The following MTTP variants were observed in gnomAD, a reference collection of about 807,000 sequenced individuals.
MTTP encodes microsomal triglyceride transfer protein.
A neutral mutation model predicts 90.6 loss-of-function variants in MTTP; 49 were observed. The ratio of observed to expected loss-of-function variants is 0.54; its 90% CI spans 0.43 to 0.69. The LOEUF (loss-of-function observed/expected upper bound fraction) is 0.69, where lower values mean the gene tolerates loss of function less well. Among genes scored for constraint, MTTP ranks in the 30% least tolerant of loss-of-function variants. The pLI is 0.00. For synonymous variants in MTTP, 347 were observed against 384.2 expected (o/e 0.90, Z 1.13); for missense variants, 945 against 1,067.5 (o/e 0.89, Z 1.60).
chr4:99,579,677 A>G (rs1553926024), intron 1 of MTTP, among the ~76,000 whole-genome samples: 1 of 152,186 alleles, frequency 6.6e-6, no homozygotes, highest in African/African-American at 2.4e-5. Flanking sequence ...ATTTAAATGT[A>G]CCTTCCAATT....
chr4:99,564,399 A>C (rs1368185759), intron 1 of MTTP: 1 of 665,990 alleles, frequency 1.5e-6, no homozygotes, highest in Non-Finnish European at 2.4e-6. Flanking sequence ...GATTTTACAT[A>C]ACTCAAGTGG....
intron 6 of MTTP, among the ~76,000 whole-genome samples, chr4:99,594,150 A>C (rs954174270): frequency 6.6e-6 from 1 of 152,210 alleles, no homozygotes; most frequent in African/African-American, 2.4e-5. Flanking sequence ...ATGTACTGAT[A>C]GTGTGCCAGA....
intron 16 of MTTP, among the ~76,000 whole-genome samples, chr4:99,619,321 C>T (rs929692403): frequency 2.0e-5 from 3 of 152,096 alleles, no homozygotes; most frequent in African/African-American, 7.2e-5. Context: ...AATTTTCCTG[C>T]TTTTAAAGAC....
chr4:99,574,808 G>A, upstream of MTTP: 1 of 1,611,384 alleles, frequency 6.2e-7, no homozygotes, highest in South Asian at 1.1e-5. Flanking sequence ...GATTGTTGCA[G>A]GTTCTGAAGA....
At chr4:99,585,832 C>T (rs1725245672) in intron 3 of MTTP, among the ~76,000 whole-genome samples, 1 of 152,064 alleles carries the variant, frequency 6.6e-6, no homozygotes. Flanking sequence ...ATCATTGTAT[C>T]TTTCAAGTAT....
Position 99,622,903 on chromosome 4 carries a change from G to C in MTTP, c.*55G>C, listed in dbSNP as rs192882987. 31 of 1,545,590 alleles carry C rather than the reference G, an allele frequency of 2.0e-5. 1 individual carries two copies. The East Asian group carries it at 5.8e-4, about 29-fold the overall frequency. ...GTCTCCCCGAAAGGGACACAATGTG[G>C]CATGACTAAGTACTTGCTCTCTGAG... On this transcript the variant is annotated 3_prime_UTR_variant, in exon 18 of 18. Transcript: ENST00000265517.
At chr4:99,621,397 A>G (rs1726228566) in intron 17 of MTTP, among the ~76,000 whole-genome samples, 166 bp downstream of exon 17, 1 of 151,340 alleles carries the variant, frequency 6.6e-6, no homozygotes, top group African/African-American at 2.4e-5. Flanking sequence ...GGCCAAAAAA[A>G]GTCAGTTTCT....
At chr4:99,584,358 A>AT (rs984477689) in intron 3 of MTTP, among the ~76,000 whole-genome samples, 107 of 152,264 alleles carry the variant, frequency 7.0e-4, no homozygotes, top group African/African-American at 2.3e-3. Context: ...CGTCTCTGAA[A>AT]TTTCACTTTC....
intron 8 of MTTP, among the ~76,000 whole-genome samples, chr4:99,598,874 G>A (rs1451442503): frequency 1.3e-5 from 2 of 151,950 alleles, no homozygotes; most frequent in African/African-American, 4.8e-5. Flanking sequence ...TGTTGGTCAG[G>A]CTGGTCTCAA....
At chr4:99,596,144 A>G (rs1283613435) in intron 7 of MTTP, among the ~76,000 whole-genome samples, 1 of 152,170 alleles carries the variant, frequency 6.6e-6, no homozygotes, top group Admixed American at 6.5e-5. Context: ...TTTCACTTGG[A>G]ATATCTTCTT....
chr4:99,617,320 A>G (rs563105163), intron 15 of MTTP, among the ~76,000 whole-genome samples: 5 of 152,308 alleles, frequency 3.3e-5, no homozygotes, highest in South Asian at 2.1e-4. Context: ...GCTTCCATCA[A>G]AGAGTGTCCT....
At chr4:99,617,079 T>A (rs1726115379) in intron 15 of MTTP, among the ~76,000 whole-genome samples, 1 of 152,176 alleles carries the variant, frequency 6.6e-6, no homozygotes, top group South Asian at 2.1e-4. Flanking sequence ...ATGTTTGGAG[T>A]ACACATACAG....
chr4:99,574,642 A>G (rs932896473), upstream of MTTP: 1 of 652,732 alleles, frequency 1.5e-6, no homozygotes, highest in African/African-American at 1.8e-5. Context: ...AAAAGTGAAA[A>G]CATTTAAAGT....
chr4:99,621,068 G>C lies in MTTP; in HGVS notation c.2350G>C (p.Val784Leu). The change falls in exon 17 of 18, where the codon GTG becomes CTG. Residue 784 changes from valine to leucine, a missense_variant. Val to Leu is a conservative substitution (Grantham distance 32, BLOSUM62 1). Coordinates refer to ENST00000265517, the MANE Select transcript of MTTP (RefSeq NM_001386140.1). ...SKTRVKNRVTVVITTDITVDS... is the reference protein window; with the variant it reads ...SKTRVKNRVTLVITTDITVDS... ...TTTTTCTCAAATGTTTAGGGTGACT[G>C]TGGTAATAACCACTGACATCACAGT... The C allele has an allele frequency of 1.2e-6, 2 of 1,613,980 alleles. No individual in the cohort carries two copies. Among genetic ancestry groups the C allele is most frequent in the Non-Finnish European group, 8.5e-7 (1 of 1,179,930 alleles).
At chr4:99,583,778 A>C (rs964598076) in intron 3 of MTTP, 3 of 573,160 alleles carry the variant, frequency 5.2e-6, no homozygotes, top group Middle Eastern at 9.2e-4. Flanking sequence ...TATTGATGAA[A>C]GGCATTATTA....
chr4:99,589,181 C>A (rs115524847), intron 3 of MTTP, among the ~76,000 whole-genome samples: 6,325 of 147,946 alleles, frequency 0.043, 148 homozygotes, highest in Non-Finnish European at 0.056. Context: ...CTTGCAATAG[C>A]CCATAAAGGC....
At position 99,581,917 on chromosome 4, in the gene MTTP, G is replaced by T. The variant is rs762413666; in HGVS notation, c.74G>T (p.Gly25Val). ...TATCTTTATGCAGGTCACACAACTG[G>T]TCTCTCATTAAATAATGACCGGCTG... ...YSASVKGHTT[G>V]LSLNNDRLYK... The change falls in exon 2 of 18, where the codon GGT (glycine) becomes GTT (valine). Residue 25 changes from glycine (G) to valine (V), a missense_variant. Gly to Val is a moderately radical substitution (Grantham distance 109). Transcript: ENST00000265517. 1 of 1,613,946 alleles carries T rather than the reference G, an allele frequency of 6.2e-7. No homozygotes were observed. Among genetic ancestry groups the T allele is most frequent in the Non-Finnish European group, 8.5e-7 (1 of 1,179,964 alleles).
chr4:99,608,350 C>T (rs548371987), intron 11 of MTTP, among the ~76,000 whole-genome samples: 2 of 152,258 alleles, frequency 1.3e-5, no homozygotes, highest in Admixed American at 1.3e-4. Context: ...GAGGCTGAGG[C>T]AGGAGAATCA....
At chr4:99,578,602 T>A (rs1725024259) in intron 1 of MTTP, among the ~76,000 whole-genome samples, 2 of 152,160 alleles carry the variant, frequency 1.3e-5, no homozygotes, top group Non-Finnish European at 2.9e-5. Context: ...TAGTCAAAAA[T>A]TGATTTATTA....
Sources: allele counts gnomAD v4.1 joint callset (sites outside exome capture counted in the v4.1 genomes callset), GRCh38; gene constraint gnomAD v4.1.1; transcripts MANE v1.5; gene names NCBI Gene and HGNC (gene_info 2026-07-23, HGNC 2026-07-21).